Variants in NPIPB11 observed in about 807,000 individuals in gnomAD.
NPIPB11 encodes the protein nuclear pore complex interacting protein family member B11, also known as nuclear pore complex-interacting protein family member B11.
In NPIPB11, 17 loss-of-function variants were observed where a neutral mutation model predicts 32.8. That is an observed-to-expected ratio of 0.52 (90% confidence interval 0.35 to 0.78). NPIPB11 has a LOEUF of 0.78. Among genes scored for constraint, NPIPB11 ranks in the 30% least tolerant of loss-of-function variants. The probability of loss-of-function intolerance (pLI) is 0.01; values close to 1 mark genes in which losing one functional copy is unlikely to be tolerated. For missense variants in NPIPB11, 537 were observed against 1,000.4 expected (o/e 0.54, Z 6.25); for synonymous variants, 209 against 398.4 (o/e 0.52, Z 5.66).
intron 3 of NPIPB11, among the ~76,000 whole-genome samples, chr16:29,392,286 G>C (rs1467689749): frequency 1.3e-5 from 2 of 152,060 alleles, no homozygotes; most frequent in African/African-American, 4.8e-5. Context: ...TGGCACCCAT[G>C]ATGTCCCTGC....
At chr16:29,406,531 G>A (rs1247379268), upstream of NPIPB11, among the ~76,000 whole-genome samples, 1 of 152,102 alleles carries the variant, frequency 6.6e-6, no homozygotes, top group Non-Finnish European at 1.5e-5. Context: ...CAGCCTAATA[G>A]AGTGAAACCC....
chr16:29,401,202 G>A (rs993309532), intron 2 of NPIPB11, among the ~76,000 whole-genome samples: 1 of 152,112 alleles, frequency 6.6e-6, no homozygotes, highest in African/African-American at 2.4e-5. Context: ...CAATCTGAAA[G>A]GAACAGGAGA....
intron 3 of NPIPB11, among the ~76,000 whole-genome samples, chr16:29,391,037 C>G (rs62035599): frequency 1.7e-3 from 259 of 150,644 alleles, no homozygotes; most frequent in Admixed American, 2.6e-3. Flanking sequence ...GGGAGGCCGA[C>G]GCGGGTGAAT....
At chr16:29,389,668 GAAAAAAAAAAAAAAAA>G in intron 5 of NPIPB11, among the ~76,000 whole-genome samples, 1 of 17,290 alleles carries the variant, frequency 5.8e-5, no homozygotes, top group South Asian at 3.1e-3. Context: ...TCCATCTCAG[GAAAAAAAAAAAAAAAA>G]AAAAAAAAAA....
intron 3 of NPIPB11, among the ~76,000 whole-genome samples, chr16:29,390,557 G>A (rs1963692702): frequency 6.6e-6 from 1 of 151,356 alleles, no homozygotes; most frequent in African/African-American, 2.4e-5. Flanking sequence ...GGAGGCTGAG[G>A]CAGAGAACCG....
At chr16:29,401,173 G>A (rs1487997065) in intron 2 of NPIPB11, among the ~76,000 whole-genome samples, 1 of 152,114 alleles carries the variant, frequency 6.6e-6, no homozygotes, top group Admixed American at 6.6e-5. Context: ...GCCCTAATCT[G>A]AGCACTCTTG....
At chr16:29,390,732 G>A (rs1336118367) in intron 3 of NPIPB11, among the ~76,000 whole-genome samples, 1 of 151,888 alleles carries the variant, frequency 6.6e-6, no homozygotes, top group Non-Finnish European at 1.5e-5. Flanking sequence ...GGGAGGCTGA[G>A]GCAGGCGGAT....
At chr16:29,390,631 G>A (rs1345108616) in intron 3 of NPIPB11, among the ~76,000 whole-genome samples, 4 of 137,382 alleles carry the variant, frequency 2.9e-5, no homozygotes, top group Admixed American at 7.4e-5. Context: ...CAGCCTGAGC[G>A]ACAGAATGAG....
intron 2 of NPIPB11, among the ~76,000 whole-genome samples, chr16:29,397,253 CAA>C (rs1243876482): frequency 1.3e-5 from 2 of 151,520 alleles, no homozygotes; most frequent in African/African-American, 4.8e-5. Context: ...TTGTTAGAGA[CAA>C]GAGTGCAGCG....
intron 3 of NPIPB11, 48 bp downstream of exon 3, chr16:29,393,900 C>A (rs2142129317): frequency 7.0e-7 from 1 of 1,436,634 alleles, no homozygotes; most frequent in African/African-American, 1.4e-5. Flanking sequence ...ATAATTTATT[C>A]TTATTTGTGA....
chr16:29,405,856 T>A (rs1421439354), upstream of NPIPB11, among the ~76,000 whole-genome samples: 1 of 152,234 alleles, frequency 6.6e-6, no homozygotes, highest in Non-Finnish European at 1.5e-5. Flanking sequence ...AGTAACCATC[T>A]GCCTACACTC....
chr16:29,399,439 C>T (rs1256637679), intron 2 of NPIPB11, among the ~76,000 whole-genome samples: 18 of 149,936 alleles, frequency 1.2e-4, no homozygotes, highest in South Asian at 4.4e-4. Flanking sequence ...TGGTGGCTCA[C>T]GCCTGTAATC....
At chr16:29,382,350 G>A in exon 8 of NPIPB11, 1 of 558,254 alleles carries the variant, frequency 1.8e-6, no homozygotes, top group Non-Finnish European at 3.0e-6. Flanking sequence ...AGGGTGGAAG[G>A]GGAGTGAGCT....
At chr16:29,400,012 G>C (rs1963951797) in intron 2 of NPIPB11, among the ~76,000 whole-genome samples, 1 of 151,968 alleles carries the variant, frequency 6.6e-6, no homozygotes, top group Non-Finnish European at 1.5e-5. Context: ...AGGAGGTGGA[G>C]GTTGCAGTGA....
chr16:29,399,266 G>A (rs560149187), intron 2 of NPIPB11, among the ~76,000 whole-genome samples: 75 of 151,892 alleles, frequency 4.9e-4, no homozygotes, highest in Non-Finnish European at 1.0e-3. Context: ...TCTGGCAGCT[G>A]AAAACCACTG....
chr16:29,390,078 T>C, exon 5 of NPIPB11: 1 of 1,582,010 alleles, frequency 6.3e-7, no homozygotes, highest in South Asian at 1.1e-5. Flanking sequence ...TCAGGCCAAT[T>C]TTATTTCCTC....
chr16:29,382,912 G>C, exon 8 of NPIPB11: 2 of 548,130 alleles, frequency 3.6e-6, no homozygotes, highest in South Asian at 3.3e-5. Context: ...GGGTGGAAGC[G>C]GCCCCCGCAG....
chr16:29,390,352 G>A lies in NPIPB11; in HGVS notation c.250-4C>T, dbSNP rs1469459418. On this transcript the variant is annotated splice_polypyrimidine_tract_variant and splice_region_variant and intron_variant, in intron 3 of 7. Coordinates refer to ENST00000524087, the Ensembl canonical transcript of NPIPB11. ...AGATAGTCTTCAGGAGAGACACCTAGGAAATAATAATATAAGAATGACGGC... is the reference window on the plus strand; with the variant it reads ...AGATAGTCTTCAGGAGAGACACCTAAGAAATAATAATATAAGAATGACGGC... The A allele has an allele frequency of 5.4e-6, 6 of 1,107,530 alleles. No individual in the cohort carries two copies. Among genetic ancestry groups the A allele is most frequent in the South Asian group, 5.1e-5 (4 of 78,688 alleles). The allele number at this position is 1,107,530 out of a possible 1,614,324, so 68.6% of individuals were successfully genotyped here.
rs546960963 is a variant in NPIPB11, at chr16:29,382,269, G to A, written c.2663C>T (p.Pro888Leu). 5.1e-5 allele frequency: 82 copies of A among 1,603,866 alleles called. 2 individuals carry two copies. The Middle Eastern group carries it at 1.4e-3, about 27-fold the overall frequency. ...ATTATCATCCGCTGAGGGTGGAAGC[G>A]GAACCCACAGACGCTCCCCGCAGAC... is the stretch of plus-strand genomic sequence containing the variant. Residue 888 changes from proline to leucine, a missense_variant, in exon 8 of 8, where the codon CCG becomes CTG. Pro to Leu is a moderately conservative substitution (Grantham distance 98, BLOSUM62 -3). Coordinates refer to ENST00000524087, the Ensembl canonical transcript of NPIPB11.
Sources: gnomAD v4.1 joint callset for allele counts (sites outside exome capture counted in the v4.1 genomes callset) on GRCh38, gnomAD v4.1.1 for gene constraint, MANE v1.5 for transcripts, NCBI Gene and HGNC (gene_info 2026-07-23, HGNC 2026-07-21) for gene names.